Variants in SASH1 observed in about 807,000 individuals in gnomAD.
The protein encoded by SASH1 is SAM and SH3 domain containing 1, also known as SAM and SH3 domain-containing protein 1.
Under a neutral mutation model 125.2 loss-of-function variants are expected in SASH1, and 44 were observed. The observed-to-expected ratio is 0.35, with a 90% CI of 0.28 to 0.45. The LOEUF is 0.45. Among genes scored for constraint, SASH1 ranks in the 20% least tolerant of loss-of-function variants. The pLI, the probability that SASH1 is intolerant of heterozygous loss-of-function variation, is 1.00. For missense variants in SASH1, 1,426 were observed against 1,614.5 expected (o/e 0.88, Z 2.00); for synonymous variants, 639 against 649.1 (o/e 0.98, Z 0.24).
chr6:148,358,878 A>G (rs550518188), intron 1 of SASH1, among the ~76,000 whole-genome samples: 94 of 150,926 alleles, frequency 6.2e-4, no homozygotes, highest in Admixed American at 1.1e-3. Flanking sequence ...TGGGACTACA[A>G]GCACCCATCA....
chr6:148,458,809 A>G (rs986214294), intron 4 of SASH1, among the ~76,000 whole-genome samples: 27 of 152,118 alleles, frequency 1.8e-4, no homozygotes, highest in Non-Finnish European at 7.3e-5. Context: ...AAAACAAAAA[A>G]TCAAAAGATT....
chr6:148,460,147 G>A (rs1482832022), intron 4 of SASH1, among the ~76,000 whole-genome samples: 2 of 152,218 alleles, frequency 1.3e-5, no homozygotes, highest in African/African-American at 4.8e-5. Flanking sequence ...ATTAGCAGGG[G>A]ATTGAAGGAT....
At chr6:148,222,730 T>G in the SASH1 span, among the ~76,000 whole-genome samples, 1 of 152,144 alleles carries the variant, frequency 6.6e-6, no homozygotes, top group Non-Finnish European at 1.5e-5. Context: ...AATTTTATTA[T>G]TGCAAAGGGT....
At chr6:148,463,245 A>C (rs1562432322) in intron 4 of SASH1, among the ~76,000 whole-genome samples, 1 of 151,818 alleles carries the variant, frequency 6.6e-6, no homozygotes, top group Non-Finnish European at 1.5e-5. Flanking sequence ...CCTGGGTTCA[A>C]GTGATTCTCC....
At chr6:148,454,382 CT>C (rs1456428504) in intron 4 of SASH1, among the ~76,000 whole-genome samples, 2 of 152,242 alleles carry the variant, frequency 1.3e-5, no homozygotes, top group Non-Finnish European at 2.9e-5. Context: ...TAAAATCTCT[CT>C]TGTGGTCCAG....
chr6:148,276,373 C>G (rs771911770), intron 1 of SASH1, among the ~76,000 whole-genome samples: 6 of 152,162 alleles, frequency 3.9e-5, no homozygotes, highest in African/African-American at 7.2e-5. Flanking sequence ...GCCTTGGACT[C>G]TCTCCTTTTG....
intron 2 of SASH1, among the ~76,000 whole-genome samples, chr6:148,404,082 A>T (rs1784280754): frequency 6.6e-6 from 1 of 152,204 alleles, no homozygotes; most frequent in Non-Finnish European, 1.5e-5. Context: ...AATGAATGAC[A>T]ATAGCTGTGC....
At chr6:148,222,891 G>T in the SASH1 span, among the ~76,000 whole-genome samples, 39 of 152,110 alleles carry the variant, frequency 2.6e-4, no homozygotes, top group Middle Eastern at 3.4e-3. Context: ...AGGGCTGGGG[G>T]CTTCTGTTTC....
intron 2 of SASH1, among the ~76,000 whole-genome samples, chr6:148,435,228 A>C (rs1218139396): frequency 6.6e-6 from 1 of 152,024 alleles, no homozygotes; most frequent in African/African-American, 2.4e-5. Flanking sequence ...AAATACAAAA[A>C]TTATCTGGGC....
At chr6:148,527,022 A>G (rs1781213457) in intron 11 of SASH1, among the ~76,000 whole-genome samples, 1 of 152,000 alleles carries the variant, frequency 6.6e-6, no homozygotes, top group Non-Finnish European at 1.5e-5. Context: ...ACAGACGCCC[A>G]CCACCACGCC....
intron 5 of SASH1, among the ~76,000 whole-genome samples, chr6:148,471,074 G>A (rs1300969625): frequency 6.6e-6 from 1 of 151,918 alleles, no homozygotes; most frequent in Non-Finnish European, 1.5e-5. Context: ...TAAGACCAAA[G>A]GGGGGAAATA....
At position 148,344,759 on chromosome 6, in the gene SASH1, T is replaced by TC. The variant is rs572498648; in HGVS notation, c.156+1536_156+1537insC. Among the ~76,000 whole-genome samples, 839 of 147,320 alleles carry TC rather than the reference T, an allele frequency of 5.7e-3. 4 individuals are homozygous for TC. Among genetic ancestry groups the TC allele is most frequent in the African/African-American group, 0.012 (471 of 40,404 alleles). ...TTGTGATAAACTTTTTCTTTTCTTT[T>TC]TTTTTTTTTTTTTTGAGACGAAGTC... On this transcript the variant is annotated intron_variant, in intron 1 of 19. Coordinates refer to ENST00000367467, the MANE Select transcript of SASH1 (RefSeq NM_015278.5).
chr6:148,336,553 AAAC>A (rs1781161645), intron 1 of SASH1, among the ~76,000 whole-genome samples: 1 of 152,234 alleles, frequency 6.6e-6, no homozygotes, highest in South Asian at 2.1e-4. Context: ...TTATTTGAGC[AAAC>A]AACATTTCAT....
At chr6:148,327,855 C>G (rs1216031101) in intron 1 of SASH1, among the ~76,000 whole-genome samples, 1 of 149,656 alleles carries the variant, frequency 6.7e-6, no homozygotes, top group African/African-American at 2.5e-5. Flanking sequence ...ACAGGAGAAT[C>G]ACTTGAACCC....
intron 2 of SASH1, among the ~76,000 whole-genome samples, chr6:148,411,053 G>A (rs1204057164): frequency 6.6e-6 from 1 of 151,680 alleles, no homozygotes; most frequent in Admixed American, 6.6e-5. Context: ...TAGCTATGCG[G>A]GAGGCTGAGG....
upstream of SASH1, among the ~76,000 whole-genome samples, chr6:148,338,671 G>C (rs2114619600): frequency 6.6e-6 from 1 of 152,166 alleles, no homozygotes; most frequent in Middle Eastern, 3.4e-3. Flanking sequence ...TGATGATGAT[G>C]ATGGTGATTT....
intron 1 of SASH1, among the ~76,000 whole-genome samples, chr6:148,360,727 A>G (rs1049501020): frequency 6.6e-6 from 1 of 151,580 alleles, no homozygotes; most frequent in Non-Finnish European, 1.5e-5. Flanking sequence ...GATAATATTG[A>G]TATTAGCTGC....
chr6:148,341,317 G>GTTTTTTTTTTTTTTT (rs1179914037), upstream of SASH1, among the ~76,000 whole-genome samples: 2 of 120,222 alleles, frequency 1.7e-5, no homozygotes, highest in African/African-American at 6.3e-5. Context: ...GCTATGTTTT[G>GTTTTTTTTTTTTTTT]TTTTTTTTTT....
chr6:148,499,963 TATTAA>T (rs1241721758), intron 8 of SASH1, among the ~76,000 whole-genome samples: 2 of 152,196 alleles, frequency 1.3e-5, no homozygotes, highest in Non-Finnish European at 2.9e-5. Flanking sequence ...TTCACGTTCT[TATTAA>T]ATTATTTTAT....
Sources: allele counts gnomAD v4.1 joint callset (sites outside exome capture counted in the v4.1 genomes callset), GRCh38; gene constraint gnomAD v4.1.1; transcripts MANE v1.5; gene names NCBI Gene and HGNC (gene_info 2026-07-23, HGNC 2026-07-21).